USH1C: variants seen among roughly 807,000 people sequenced by gnomAD.
The protein encoded by USH1C is harmonin.
A neutral mutation model predicts 119.3 loss-of-function variants in USH1C; 90 were observed. That is an observed-to-expected ratio of 0.75 (90% CI 0.64 to 0.90). The LOEUF is 0.90. USH1C is among the 40% of genes least tolerant of loss of function. The pLI, the probability that USH1C is intolerant of heterozygous loss-of-function variation, is 0.00. For missense variants in USH1C, 1,165 were observed against 1,167.7 expected (o/e 1.00, Z 0.03); for synonymous variants, 465 against 443.3 (o/e 1.05, Z -0.62).
rs1449389020 is a variant in USH1C at position 17,494,222 on chromosome 11, GGGTGATAGATTCA to G, written c.*97_*109del. The G allele has an allele frequency of 1.5e-6, 2 of 1,341,642 alleles. No homozygotes were observed. The highest frequency in any genetic ancestry group is 2.1e-6 in the Non-Finnish European group (2 of 956,278). The allele number at this position is 1,341,642 out of a possible 1,614,324, so 83.1% of individuals were successfully genotyped here. ...GGGCCAAAGGGAGTTTGAGATTCCT[GGGTGATAGATTCA>G]GGTCCCAAGGATGCCATCTGGTGTG... On this transcript the variant is annotated 3_prime_UTR_variant, in exon 27 of 27. Transcript: ENST00000005226.
At chr11:17,539,930 C>T (rs1277196275) in intron 1 of USH1C, among the ~76,000 whole-genome samples, 3 of 150,486 alleles carry the variant, frequency 2.0e-5, no homozygotes, top group South Asian at 2.1e-4. Flanking sequence ...CCTCCAGGCT[C>T]AATTGATTCT....
At chr11:17,498,313 G>T in intron 23 of USH1C, 42 bp from the exon 24 acceptor site, 1 of 1,582,702 alleles carries the variant, frequency 6.3e-7, no homozygotes, top group South Asian at 1.1e-5. Flanking sequence ...GGCTGTATGT[G>T]ACACGTGCCT....
At chr11:17,516,127 G>A (rs888631802) in intron 15 of USH1C, 114 bp downstream of exon 15, 48 of 1,204,116 alleles carry the variant, frequency 4.0e-5, no homozygotes, top group Middle Eastern at 2.3e-4. Context: ...AGCCTTCCAA[G>A]TGAACAGGCC....
At chr11:17,533,618 A>C (rs755958849) in intron 1 of USH1C, 1 of 556,692 alleles carries the variant, frequency 1.8e-6, no homozygotes, top group South Asian at 1.7e-5. Flanking sequence ...ACATAGGTAC[A>C]TATGTGAATC....
In USH1C at chr11:17,494,228, T is replaced by G. The variant is rs1197457579; in HGVS notation, c.*104A>C. 7.3e-7 allele frequency: 1 copy of G among 1,378,350 alleles called. No individual in the cohort carries two copies. Among genetic ancestry groups the G allele is most frequent in the East Asian group, 2.5e-5 (1 of 40,352 alleles). The allele number at this position is 1,378,350 out of a possible 1,614,324, so 85.4% of individuals were successfully genotyped here. On this transcript the variant is annotated 3_prime_UTR_variant, in exon 27 of 27. Transcript: ENST00000005226. ...AAGGGAGTTTGAGATTCCTGGGTGA[T>G]AGATTCAGGTCCCAAGGATGCCATC...
chr11:17,528,906 G>A (rs886558146), intron 4 of USH1C, among the ~76,000 whole-genome samples: 5 of 152,228 alleles, frequency 3.3e-5, no homozygotes, highest in Non-Finnish European at 5.9e-5. Flanking sequence ...CAACCCTGCA[G>A]AGCAGGAATT....
chr11:17,510,519 C>A lies in USH1C; in HGVS notation c.1416G>T (p.Val472=), dbSNP rs140982836. Residue 472 remains valine (V), a splice_region_variant and synonymous_variant, in exon 17 of 27, where the codon GTG becomes GTT. Transcript: ENST00000005226. ...CAAGGTCTTCCCGCTCTGTCTCAGA[C>A]ACCTGGGACCCAGGATCGGCGCAGA... ...QLKINRLAQE[V]SETEREDLEE... The A allele has an allele frequency of 6.2e-7, 1 of 1,611,966 alleles. No individual in the cohort carries two copies. The highest frequency in any genetic ancestry group is 1.3e-5 in the African/African-American group (1 of 75,028).
chr11:17,525,249 C>A (rs76584030), intron 8 of USH1C, among the ~76,000 whole-genome samples: 3,842 of 152,252 alleles, frequency 0.025, 169 homozygotes, highest in African/African-American at 0.087. Context: ...CCATCCTGGA[C>A]GCAGAATGTA....
chr11:17,509,881 A>T (rs1467154437), intron 17 of USH1C, 43 bp from the exon 18 acceptor site: 1 of 1,568,082 alleles, frequency 6.4e-7, no homozygotes, highest in African/African-American at 1.3e-5. Context: ...CACTCTGCTT[A>T]GAGCTCCACT....
At chr11:17,516,549 C>G in intron 14 of USH1C, 2 of 517,462 alleles carry the variant, frequency 3.9e-6, no homozygotes, top group Non-Finnish European at 7.0e-6. Context: ...CTCCCCAGAA[C>G]ACTGGTTTCA....
At chr11:17,508,080 T>C (rs1849720024) in intron 18 of USH1C, among the ~76,000 whole-genome samples, 2 of 152,144 alleles carry the variant, frequency 1.3e-5, no homozygotes, top group South Asian at 2.1e-4. Flanking sequence ...AGGTACTCAA[T>C]CAAAGTGGAA....
chr11:17,523,460 C>G lies in USH1C; in HGVS notation c.778G>C (p.Glu260Gln). The change falls in exon 10 of 27, where the codon GAA (glutamate) becomes CAA (glutamine). Residue 260 changes from glutamate to glutamine, a missense_variant. Coordinates refer to ENST00000005226, the MANE Select transcript of USH1C (RefSeq NM_153676.4). ...TTAGAGAAGTCGACGCCATTGACTT[C>G]GACAATCTGGTCCCCTATCTGGTGG... The part of the protein sequence containing the change: ...VGLEIGDQIV[E>Q]VNGVDFSNLD... 1 of 1,614,218 alleles carries G rather than the reference C, an allele frequency of 6.2e-7. No homozygotes were observed. Among genetic ancestry groups the G allele is most frequent in the Non-Finnish European group, 8.5e-7 (1 of 1,180,032 alleles).
At chr11:17,539,086 C>A (rs905092950) in intron 1 of USH1C, among the ~76,000 whole-genome samples, 3 of 152,196 alleles carry the variant, frequency 2.0e-5, no homozygotes, top group African/African-American at 7.2e-5. Context: ...AATGGTGGTA[C>A]CAGCAGTATT....
chr11:17,523,018 T>C, intron 11 of USH1C, 92 bp from the exon 12 acceptor site: 1 of 1,594,192 alleles, frequency 6.3e-7, no homozygotes. Flanking sequence ...GGTGGTCTTC[T>C]CAGCACCATC....
intron 12 of USH1C, among the ~76,000 whole-genome samples, 169 bp from the exon 13 acceptor site, chr11:17,521,580 G>A (rs1250785511): frequency 1.3e-5 from 2 of 152,162 alleles, no homozygotes; most frequent in East Asian, 1.9e-4. Flanking sequence ...AAGTCTGGAC[G>A]CTGTGCTCTT....
intron 1 of USH1C, 26 bp downstream of exon 1, chr11:17,544,246 A>T (rs771630605): frequency 4.1e-5 from 66 of 1,613,694 alleles, no homozygotes; most frequent in Non-Finnish European, 2.0e-5. Context: ...GAGTCCCAGA[A>T]GCCTGGGGCG....
chr11:17,534,592 G>A (rs1164248602), intron 1 of USH1C, among the ~76,000 whole-genome samples: 1 of 152,202 alleles, frequency 6.6e-6, no homozygotes, highest in Non-Finnish European at 1.5e-5. Flanking sequence ...TTCCCAGCTA[G>A]GGCTGGGTGC....
In USH1C at chr11:17,506,254, C is replaced by G. The variant is rs61570226; in HGVS notation, c.2014-305G>C. On this transcript the variant is annotated intron_variant, in intron 18 of 26. Transcript: ENST00000005226. Reference sequence around the variant, plus strand: ...AGGAGACACACTTTCAGACCCTTCTCTCAGTGGCCATGGGTGCTATCCAGT... The same window carrying G: ...AGGAGACACACTTTCAGACCCTTCTGTCAGTGGCCATGGGTGCTATCCAGT... Among the ~76,000 whole-genome samples the G allele has an allele frequency of 0.014, 2,094 of 152,312 alleles. 48 individuals are homozygous for G. The highest frequency in any genetic ancestry group is 0.048 in the African/African-American group (1,993 of 41,562).
chr11:17,538,261 T>C (rs113588923), intron 1 of USH1C, among the ~76,000 whole-genome samples: 7 of 152,168 alleles, frequency 4.6e-5, no homozygotes, highest in African/African-American at 1.7e-4. Context: ...GTGCTATTGG[T>C]CTGTGTGGGA....
Sources: gnomAD v4.1 joint callset for allele counts (sites outside exome capture counted in the v4.1 genomes callset) on GRCh38, gnomAD v4.1.1 for gene constraint, MANE v1.5 for transcripts, NCBI Gene and HGNC (gene_info 2026-07-23, HGNC 2026-07-21) for gene names.